Variants in TACR3 observed in about 807,000 individuals in gnomAD.
The protein encoded by TACR3 is neuromedin-K receptor.
TACR3 carries 34 observed loss-of-function variants against 35.0 expected under a neutral mutation model. The ratio of observed to expected loss-of-function variants is 0.97; its 90% CI spans 0.74 to 1.30. The LOEUF (loss-of-function observed/expected upper bound fraction) is 1.30, where lower values mean the gene tolerates loss of function less well. Ranked by LOEUF, TACR3 falls within the 50% of genes most tolerant of loss-of-function variation. The probability of loss-of-function intolerance (pLI) is 0.00; values close to 1 mark genes in which losing one functional copy is unlikely to be tolerated. For synonymous variants in TACR3, 233 were observed against 221.1 expected (o/e 1.05, Z -0.48); for missense variants, 558 against 591.7 (o/e 0.94, Z 0.59).
intron 1 of TACR3, among the ~76,000 whole-genome samples, chr4:103,709,434 T>C (rs1486304637): frequency 6.6e-6 from 1 of 152,040 alleles, no homozygotes; most frequent in East Asian, 1.9e-4. Context: ...AGAAATAAAA[T>C]CCTTTACAGA....
chr4:103,706,834 C>T lies in TACR3; in HGVS notation c.548+12294G>A, dbSNP rs1012656079. On this transcript the variant is annotated intron_variant, in intron 1 of 4. Coordinates refer to ENST00000304883, the MANE Select transcript of TACR3 (RefSeq NM_001059.3). ...ATGAATCAGGATCAGCAACTGGGGA[C>T]TGGGATAAAATCGATTCCAAGAGCT... Among the ~76,000 whole-genome samples the T allele has an allele frequency of 2.6e-5, 4 of 152,096 alleles. No individual in the cohort carries two copies. The East Asian group carries it at 7.7e-4, about 29-fold the overall frequency.
At chr4:103,607,657 G>C (rs1403657965) in intron 3 of TACR3, among the ~76,000 whole-genome samples, 2 of 152,002 alleles carry the variant, frequency 1.3e-5, no homozygotes, top group Non-Finnish European at 2.9e-5. Context: ...AACATATAGA[G>C]AATATTGACT....
At chr4:103,629,348 T>C (rs1365422060) in intron 3 of TACR3, among the ~76,000 whole-genome samples, 1 of 152,062 alleles carries the variant, frequency 6.6e-6, no homozygotes, top group Non-Finnish European at 1.5e-5. Context: ...GGAAGCCAAA[T>C]TGTCCCTGTT....
At chr4:103,706,646 A>G (rs1035472798) in intron 1 of TACR3, among the ~76,000 whole-genome samples, 1 of 152,180 alleles carries the variant, frequency 6.6e-6, no homozygotes, top group Non-Finnish European at 1.5e-5. Flanking sequence ...TGCAATGTGG[A>G]TGTGACGGTC....
chr4:103,655,070 A>G (rs1481170413), intron 3 of TACR3, among the ~76,000 whole-genome samples: 1 of 152,220 alleles, frequency 6.6e-6, no homozygotes, highest in Non-Finnish European at 1.5e-5. Flanking sequence ...ATTTTTGTAC[A>G]TCCTGAAATG....
chr4:103,684,980 C>A (rs1722194187), intron 1 of TACR3, among the ~76,000 whole-genome samples: 1 of 138,400 alleles, frequency 7.2e-6, no homozygotes, highest in African/African-American at 2.7e-5. Context: ...AAGGCTCCAT[C>A]TCAAAATTAA....
chr4:103,627,216 G>A (rs1243455193), intron 3 of TACR3, among the ~76,000 whole-genome samples: 2 of 139,178 alleles, frequency 1.4e-5, no homozygotes, highest in Non-Finnish European at 3.1e-5. Context: ...AAAAAGTCTA[G>A]GTATTAAAGT....
At chr4:103,690,690 A>G (rs1456653271) in intron 1 of TACR3, among the ~76,000 whole-genome samples, 1 of 152,158 alleles carries the variant, frequency 6.6e-6, no homozygotes, top group Non-Finnish European at 1.5e-5. Flanking sequence ...TTGTCAAGGG[A>G]ATATGGAATA....
At chr4:103,606,380 A>T (rs976803085) in intron 3 of TACR3, among the ~76,000 whole-genome samples, 1 of 152,140 alleles carries the variant, frequency 6.6e-6, no homozygotes, top group Admixed American at 6.5e-5. Flanking sequence ...TGGTAGTTGG[A>T]TGGGGATGGC....
chr4:103,623,104 T>G (rs890242159), intron 3 of TACR3, among the ~76,000 whole-genome samples: 16 of 152,112 alleles, frequency 1.1e-4, no homozygotes, highest in African/African-American at 3.6e-4. Context: ...ATATTTATCT[T>G]AAATCCTCCT....
intron 3 of TACR3, among the ~76,000 whole-genome samples, chr4:103,632,128 A>G (rs1269450325): frequency 6.6e-6 from 1 of 152,178 alleles, no homozygotes. Flanking sequence ...CTCAATCAAG[A>G]TAAAATAGGG....
chr4:103,677,959 A>T (rs566357775), intron 1 of TACR3, among the ~76,000 whole-genome samples: 10 of 152,146 alleles, frequency 6.6e-5, no homozygotes, highest in African/African-American at 2.2e-4. Flanking sequence ...CCAAATTCTG[A>T]TATGAGGATT....
Position 103,589,580 on chromosome 4 carries a change from G to A in TACR3, c.*102C>T, listed in dbSNP as rs1424544558. 1.0e-5 allele frequency: 14 copies of A among 1,406,102 alleles called. No individual in the cohort carries two copies. Among genetic ancestry groups the A allele is most frequent in the African/African-American group, 1.4e-5 (1 of 70,080 alleles). The allele number at this position is 1,406,102 out of a possible 1,614,324, so 87.1% of individuals were successfully genotyped here. On this transcript the variant is annotated 3_prime_UTR_variant, in exon 5 of 5. Coordinates refer to ENST00000304883, the MANE Select transcript of TACR3 (RefSeq NM_001059.3). ...CATAGCTGCCTAAAAATTGCTTTCT[G>A]TTTCTAGAGGGTATATAGGACAGGA...
At chr4:103,711,986 C>A (rs1159476540) in intron 1 of TACR3, among the ~76,000 whole-genome samples, 1 of 151,980 alleles carries the variant, frequency 6.6e-6, no homozygotes, top group Non-Finnish European at 1.5e-5. Flanking sequence ...TGCTCAATGA[C>A]ATAAAAGAGG....
rs973428786 is a variant in TACR3, at chr4:103,586,570, G to A, written c.*3112C>T. On this transcript the variant is annotated 3_prime_UTR_variant, in exon 5 of 5. Transcript: ENST00000304883. ...CATTTATTTTGTATTTCATAGGCTT[G>A]ATACCAAGCTTCTTGGTATTCTTTA... 3 of 152,126 alleles carry A rather than the reference G, an allele frequency of 2.0e-5. No homozygotes were observed. Among genetic ancestry groups the A allele is most frequent in the African/African-American group, 7.2e-5 (3 of 41,516 alleles). 9.4% of individuals were successfully genotyped at this position (152,126 alleles called of 1,614,324 possible).
intron 1 of TACR3, among the ~76,000 whole-genome samples, chr4:103,713,111 C>T (rs1723006650): frequency 6.6e-6 from 1 of 152,056 alleles, no homozygotes; most frequent in South Asian, 2.1e-4. Context: ...TTGACCCAGC[C>T]ATCCCATTAC....
intron 1 of TACR3, among the ~76,000 whole-genome samples, chr4:103,681,285 C>T (rs1292007402): frequency 6.6e-6 from 1 of 152,004 alleles, no homozygotes; most frequent in East Asian, 1.9e-4. Flanking sequence ...CTTTTTGATG[C>T]TAAAAACTGT....
intron 1 of TACR3, among the ~76,000 whole-genome samples, chr4:103,680,420 T>C (rs948646223): frequency 2.0e-5 from 3 of 150,774 alleles, no homozygotes; most frequent in Admixed American, 6.6e-5. Context: ...GAAACCAGTA[T>C]GGAAATTTGC....
chr4:103,674,301 T>G, intron 1 of TACR3, among the ~76,000 whole-genome samples: 1 of 151,080 alleles, frequency 6.6e-6, no homozygotes, highest in Admixed American at 6.6e-5. Flanking sequence ...TCTCCAGTGC[T>G]ATTATGTTTT....
Sources: gnomAD v4.1 joint callset for allele counts (sites outside exome capture counted in the v4.1 genomes callset) on GRCh38, gnomAD v4.1.1 for gene constraint, MANE v1.5 for transcripts, NCBI Gene and HGNC (gene_info 2026-07-23, HGNC 2026-07-21) for gene names.